SDAD1: variants seen among roughly 807,000 people sequenced by gnomAD.
SDAD1 encodes the protein SDA1 domain containing 1.
In SDAD1, 79 loss-of-function variants were observed where a neutral mutation model predicts 100.3. That is an observed-to-expected ratio of 0.79 (90% CI 0.66 to 0.95). The LOEUF (loss-of-function observed/expected upper bound fraction) is 0.95, where lower values mean the gene tolerates loss of function less well. Ranked by LOEUF, SDAD1 falls within the 40% of genes least tolerant of loss-of-function variation. The pLI, the probability that SDAD1 is intolerant of heterozygous loss-of-function variation, is 0.00. For missense variants in SDAD1, 790 were observed against 810.9 expected (o/e 0.97, Z 0.31); for synonymous variants, 267 against 271.4 (o/e 0.98, Z 0.16).
At chr4:75,989,310 C>T (rs1282205140) in intron 1 of SDAD1, among the ~76,000 whole-genome samples, 2 of 152,200 alleles carry the variant, frequency 1.3e-5, no homozygotes, top group African/African-American at 2.4e-5. Flanking sequence ...GAGCCACCTT[C>T]CCTGTTTACG....
At chr4:75,973,516 GA>G in intron 7 of SDAD1, 125 bp from the exon 8 acceptor site, 1 of 656,174 alleles carries the variant, frequency 1.5e-6, no homozygotes, top group Non-Finnish European at 2.6e-6. Context: ...AGAGTGGTGG[GA>G]TTTTTGTTCA....
intron 3 of SDAD1, among the ~76,000 whole-genome samples, chr4:75,980,427 T>C (rs1207879963): frequency 1.3e-5 from 2 of 152,232 alleles, no homozygotes; most frequent in African/African-American, 2.4e-5. Context: ...TGCTATAGGA[T>C]ATTAGTACGT....
intron 1 of SDAD1, among the ~76,000 whole-genome samples, chr4:75,984,665 A>T (rs1730760888): frequency 6.6e-6 from 1 of 152,068 alleles, no homozygotes; most frequent in Admixed American, 6.6e-5. Flanking sequence ...CTGATAATCA[A>T]ATGTTGGAAT....
chr4:75,986,393 C>G (rs1386933306), intron 1 of SDAD1, among the ~76,000 whole-genome samples: 2 of 152,140 alleles, frequency 1.3e-5, no homozygotes, highest in Non-Finnish European at 2.9e-5. Context: ...GTCCTCCAAC[C>G]TCACTTTTTC....
intron 12 of SDAD1, among the ~76,000 whole-genome samples, 174 bp downstream of exon 12, chr4:75,967,103 G>A (rs1729590577): frequency 6.6e-6 from 1 of 152,188 alleles, no homozygotes; most frequent in Non-Finnish European, 1.5e-5. Context: ...GTTTCTTAAA[G>A]TTGAGGGTAA....
intron 6 of SDAD1, among the ~76,000 whole-genome samples, chr4:75,974,354 G>A (rs1004047034): frequency 4.9e-5 from 7 of 143,898 alleles, no homozygotes. Flanking sequence ...CAGCCATTAA[G>A]ACAGACTATT....
chr4:75,990,013 T>C (rs545620820), intron 1 of SDAD1, among the ~76,000 whole-genome samples: 10 of 152,334 alleles, frequency 6.6e-5, no homozygotes, highest in African/African-American at 2.2e-4. Context: ...GTCTGATAAA[T>C]GAGTGTCTGA....
chr4:75,951,371 A>G (rs551638778), intron 21 of SDAD1, among the ~76,000 whole-genome samples: 57 of 152,340 alleles, frequency 3.7e-4, no homozygotes, highest in African/African-American at 1.3e-3. Flanking sequence ...GTATATGCTA[A>G]CACTAACCCT....
intron 13 of SDAD1, among the ~76,000 whole-genome samples, chr4:75,965,053 A>G (rs1251174496): frequency 6.6e-6 from 1 of 152,218 alleles, no homozygotes; most frequent in African/African-American, 2.4e-5. Flanking sequence ...CCTGAGAGCC[A>G]GGCAGAACAG....
At chr4:75,989,648 C>A (rs750501123) in intron 1 of SDAD1, among the ~76,000 whole-genome samples, 1 of 152,210 alleles carries the variant, frequency 6.6e-6, no homozygotes, top group Non-Finnish European at 1.5e-5. Context: ...AGTTATCTAA[C>A]GGAATTATAT....
Position 75,990,870 on chromosome 4 carries a change from C to CA in SDAD1, c.-30dup. 1.2e-6 allele frequency: 2 copies of CA among 1,613,910 alleles called. No homozygotes were observed. Among genetic ancestry groups the CA allele is most frequent in the South Asian group, 2.2e-5 (2 of 91,070 alleles). On this transcript the variant is annotated 5_prime_UTR_variant, in exon 1 of 22. Coordinates refer to ENST00000356260, the MANE Select transcript of SDAD1 (RefSeq NM_018115.4). ...GGCTGCAGACAGACTTCGCGGCGAG[C>CA]AGTTTTAAAAAAACTCAGACGGCCG...
chr4:75,957,472 TACC>T, intron 19 of SDAD1, 43 bp downstream of exon 19: 3 of 1,611,536 alleles, frequency 1.9e-6, no homozygotes, highest in Non-Finnish European at 2.5e-6. Flanking sequence ...ATGCTTTCAT[TACC>T]ACATGAGCTG....
At chr4:75,962,493 G>C (rs1328672905) in intron 14 of SDAD1, among the ~76,000 whole-genome samples, 1 of 152,156 alleles carries the variant, frequency 6.6e-6, no homozygotes, top group East Asian at 1.9e-4. Context: ...CACAATGGTT[G>C]AACTAGTTTA....
chr4:75,965,702 G>A, intron 13 of SDAD1, 62 bp downstream of exon 13: 2 of 1,371,434 alleles, frequency 1.5e-6, no homozygotes, highest in Non-Finnish European at 2.1e-6. Flanking sequence ...AGACCCTGAA[G>A]TACCTAACAG....
intron 20 of SDAD1, among the ~76,000 whole-genome samples, chr4:75,956,703 C>G (rs1344154788): frequency 6.6e-6 from 1 of 152,210 alleles, no homozygotes; most frequent in African/African-American, 2.4e-5. Flanking sequence ...CTACTTTTCT[C>G]TTAGCTTTGA....
chr4:75,969,515 A>G, intron 10 of SDAD1, 116 bp from the exon 11 acceptor site: 1 of 638,130 alleles, frequency 1.6e-6, no homozygotes, highest in Non-Finnish European at 2.7e-6. Flanking sequence ...CAAACAGGTG[A>G]ATATGTCAAT....
At chr4:75,970,903 C>T (rs1729834720) in intron 9 of SDAD1, among the ~76,000 whole-genome samples, 2 of 152,212 alleles carry the variant, frequency 1.3e-5, no homozygotes, top group Non-Finnish European at 2.9e-5. Context: ...GCCTCCCCCA[C>T]CATGCAGAAC....
chr4:75,969,385 G>C lies in SDAD1; in HGVS notation c.898C>G (p.Leu300Val). ...TTACAGCACTCAAGCTGCTTTAGTA[G>C]TTTTTCCGCAAAATCTGGCAAGGAG... ...IHDPQDFAEK[L>V]LKQLECCKER... The change falls in exon 11 of 22, where the codon CTA becomes GTA. Residue 300 changes from leucine to valine, a missense_variant. Leu to Val is a conservative substitution (Grantham distance 32, BLOSUM62 1). Coordinates refer to ENST00000356260, the MANE Select transcript of SDAD1 (RefSeq NM_018115.4). 1 of 1,613,212 alleles carries C rather than the reference G, an allele frequency of 6.2e-7. No homozygotes were observed. The highest frequency in any genetic ancestry group is 1.7e-4 in the Middle Eastern group (1 of 6,060).
intron 1 of SDAD1, among the ~76,000 whole-genome samples, chr4:75,986,515 C>T (rs957017409): frequency 2.0e-5 from 3 of 152,146 alleles, no homozygotes; most frequent in African/African-American, 7.2e-5. Flanking sequence ...ATATACTTTA[C>T]CTTCTCTCCT....
Sources: allele counts gnomAD v4.1 joint callset (sites outside exome capture counted in the v4.1 genomes callset), GRCh38; gene constraint gnomAD v4.1.1; transcripts MANE v1.5; gene names NCBI Gene and HGNC (gene_info 2026-07-23, HGNC 2026-07-21).